AK2: variants seen among roughly 807,000 people sequenced by gnomAD.
AK2 encodes the protein adenylate kinase 2.
Under a neutral mutation model 24.6 loss-of-function variants are expected in AK2, and 15 were observed. The observed-to-expected ratio is 0.61, with a 90% CI of 0.41 to 0.94. The LOEUF is 0.94. AK2 is among the 40% of genes least tolerant of loss of function. The pLI, the probability that AK2 is intolerant of heterozygous loss-of-function variation, is 0.00. For synonymous variants in AK2, 102 were observed against 114.0 expected, an observed-to-expected ratio of 0.90 and a Z score of 0.67; for missense variants, 257 against 304.1, an observed-to-expected ratio of 0.85 and a Z score of 1.15.
At position 33,013,305 on chromosome 1, in the gene AK2, T is replaced by C. The variant is rs1322333479; in HGVS notation, c.596A>G (p.Glu199Gly). 5 of 1,614,006 alleles carry C rather than the reference T, an allele frequency of 3.1e-6. No homozygotes were observed. Residue 199 changes from glutamate (E) to glycine (G), a missense_variant, in exon 6 of 6, where the codon GAG (glutamate) becomes GGG (glycine). By Grantham distance (98) the Glu-to-Gly change is moderately conservative (BLOSUM62 -2). Coordinates refer to ENST00000672715, the MANE Select transcript of AK2 (RefSeq NM_001625.4). ...AYHTQTTPLI[E>G]YYRKRGIHSA... ...GTGGATCCCCCGTTTCCTGTAGTAC[T>C]CTATGAGTGGGGTGGTTTGAGTGTG...
rs113821466 is a variant in AK2 at position 33,017,281 on chromosome 1, G to A, written c.426-2687C>T. Among the ~76,000 whole-genome samples the A allele has an allele frequency of 2.1e-3, 315 of 152,318 alleles. 5 individuals are homozygous for A. The highest frequency in any genetic ancestry group is 0.012 in the South Asian group (57 of 4,824). ...GGATATGGAAGGCCAACTGGACAGA[G>A]GAGTAAAGGTTCCTGTGACTGCAGT... On this transcript the variant is annotated intron_variant, in intron 4 of 5. Transcript: ENST00000672715.
rs542150963 is a variant in AK2, at chr1:33,034,885, C to CA, written c.93+1850dup. Among the ~76,000 whole-genome samples the CA allele has an allele frequency of 2.3e-3, 350 of 151,956 alleles. 2 individuals carry two copies. The highest frequency in any genetic ancestry group is 8.1e-3 in the African/African-American group (334 of 41,490). ...GCAACATAGCAAGACCCTGTCTCTA[C>CA]AAAAAATTGTTTAAAAATTAGCTGG... On this transcript the variant is annotated intron_variant, in intron 1 of 5. Transcript: ENST00000672715.
At chr1:33,013,445 A>C (rs1638980232) in intron 5 of AK2, 43 bp from the exon 6 acceptor site, 2 of 1,586,842 alleles carry the variant, frequency 1.3e-6, no homozygotes, top group African/African-American at 2.7e-5. Flanking sequence ...GACTGTTAGC[A>C]AGGTTTTCTT....
At chr1:33,020,186 AAAAC>A in intron 4 of AK2, 2 of 1,144,596 alleles carry the variant, frequency 1.7e-6, no homozygotes. Flanking sequence ...CAAACATGTT[AAAAC>A]ACACACACAC....
Position 33,010,781 on chromosome 1 carries a change from C to T in AK2, c.*2400G>A, listed in dbSNP as rs754011373. ...GCCCAGCACCTAAGAGCAGGGATCA[C>T]GCCGCGGGGTGATGAGCAGTGTTGC... On this transcript the variant is annotated 3_prime_UTR_variant, in exon 6 of 6. Transcript: ENST00000672715. 16 of 1,614,160 alleles carry T rather than the reference C, an allele frequency of 9.9e-6. No individual in the cohort carries two copies. The East Asian group carries it at 1.8e-4, about 18-fold the overall frequency.
In AK2 at chr1:33,010,671, A is replaced by G. The variant is rs768232243; in HGVS notation, c.*2510T>C. 142 of 1,580,608 alleles carry G rather than the reference A, an allele frequency of 9.0e-5. No individual in the cohort carries two copies. The highest frequency in any genetic ancestry group is 3.5e-4 in the Middle Eastern group (2 of 5,644). ...GTATAAAAGAAACTGCCACACTACA[A>G]TAACACTGCTGTTGTTCCAAGTATT... On this transcript the variant is annotated 3_prime_UTR_variant, in exon 6 of 6. Transcript: ENST00000672715.
At chr1:33,020,128 G>A (rs549708883) in intron 4 of AK2, 18 of 1,534,682 alleles carry the variant, frequency 1.2e-5, no homozygotes, top group African/African-American at 2.7e-5. Context: ...CAGAACAAAC[G>A]TGTCCAGAAG....
chr1:33,020,188 A>AACACAC (rs56098182), intron 4 of AK2: 111,081 of 863,848 alleles, frequency 0.13, 2,922 homozygotes, highest in Middle Eastern at 0.14. Context: ...AACATGTTAA[A>AACACAC]ACACACACAC....
Position 33,012,672 on chromosome 1 carries a change from G to T in AK2, c.*509C>A. 7.9e-7 allele frequency: 1 copy of T among 1,263,424 alleles called. No individual in the cohort carries two copies. The highest frequency in any genetic ancestry group is 1.0e-6 in the Non-Finnish European group (1 of 967,140). 78.3% of individuals were successfully genotyped at this position (1,263,424 alleles called of 1,614,324 possible). A position where few individuals can be genotyped will look rare whatever the true frequency, so the allele number is the denominator to read the frequency against. On this transcript the variant is annotated 3_prime_UTR_variant, in exon 6 of 6. Transcript: ENST00000672715. ...GGCACTTCAGGAGGCCAAGGTGGGTGGATTGCTTAAGCCTAGGAGTTCAAG... is the reference window on the plus strand; with the variant it reads ...GGCACTTCAGGAGGCCAAGGTGGGTTGATTGCTTAAGCCTAGGAGTTCAAG...
chr1:33,016,313 G>A (rs898089545), intron 4 of AK2, among the ~76,000 whole-genome samples: 23 of 152,136 alleles, frequency 1.5e-4, no homozygotes, highest in African/African-American at 5.3e-4. Context: ...CTGGGTTCAC[G>A]CCATTCTCCT....
At chr1:33,027,382 C>T (rs1381782603) in intron 1 of AK2, among the ~76,000 whole-genome samples, 1 of 152,164 alleles carries the variant, frequency 6.6e-6, no homozygotes, top group Non-Finnish European at 1.5e-5. Context: ...CTGCAGGACT[C>T]TTATGCACTG....
chr1:33,008,958 A>AT lies in AK2; in HGVS notation c.*4222dup. 1 of 454,124 alleles carries AT rather than the reference A, an allele frequency of 2.2e-6. No individual in the cohort carries two copies. Among genetic ancestry groups the AT allele is most frequent in the African/African-American group, 2.0e-5 (1 of 50,126 alleles). The allele number at this position is 454,124 out of a possible 1,614,324, so 28.1% of individuals were successfully genotyped here. A position where few individuals can be genotyped will look rare whatever the true frequency, so the allele number is the denominator to read the frequency against. ...TTGGTTTGACAAACATTTCCCCACA[A>AT]TTAGATGCATGATGACCAAGGGAGG... On this transcript the variant is annotated 3_prime_UTR_variant, in exon 6 of 6. Coordinates refer to ENST00000672715, the MANE Select transcript of AK2 (RefSeq NM_001625.4).
At chr1:33,019,922 G>A (rs531421362) in intron 4 of AK2, 2 of 1,405,250 alleles carry the variant, frequency 1.4e-6, no homozygotes, top group East Asian at 2.7e-5. Context: ...GGTTCAAGAT[G>A]GTTGGCTGAC....
chr1:33,024,633 G>T, intron 1 of AK2, 66 bp from the exon 2 acceptor site: 3 of 1,601,888 alleles, frequency 1.9e-6, no homozygotes, highest in Non-Finnish European at 2.6e-6. Context: ...GACTGCCTAG[G>T]TGTGAACCTG....
At position 33,008,082 on chromosome 1, in the gene AK2, G is replaced by A. The variant is rs1369535134; in HGVS notation, c.*5099C>T. 1 of 454,072 alleles carries A rather than the reference G, an allele frequency of 2.2e-6. No homozygotes were observed. The highest frequency in any genetic ancestry group is 4.4e-6 in the Non-Finnish European group (1 of 226,790). The allele number at this position is 454,072 out of a possible 1,614,324, so 28.1% of individuals were successfully genotyped here. A position where few individuals can be genotyped will look rare whatever the true frequency, so the allele number is the denominator to read the frequency against. On this transcript the variant is annotated 3_prime_UTR_variant, in exon 6 of 6. Transcript: ENST00000672715. ...TTTCAGAGGTCTATGATTTCTAGGG[G>A]ATCCTTAGCCTGGTTCCGGATGGTC...
chr1:33,017,370 A>C (rs1037580853), intron 4 of AK2, among the ~76,000 whole-genome samples: 3 of 152,182 alleles, frequency 2.0e-5, no homozygotes, highest in Non-Finnish European at 2.9e-5. Flanking sequence ...TGATGCATTC[A>C]TTCAGAAATG....
chr1:33,036,669 A>G (rs1640602578), intron 1 of AK2, 67 bp downstream of exon 1: 3 of 1,429,570 alleles, frequency 2.1e-6, no homozygotes, highest in Non-Finnish European at 2.9e-6. Flanking sequence ...CAGGGCTTCT[A>G]GATCTCCGGC....
Position 33,024,540 on chromosome 1 carries a change from C to A in AK2, c.121G>T (p.Val41Phe), listed in dbSNP as rs906687383. Residue 41 changes from valine to phenylalanine, a missense_variant, in exon 2 of 6, where the codon GTC becomes TTC. By Grantham distance (50) the Val-to-Phe change is conservative (BLOSUM62 -1). Transcript: ENST00000672715. ...ATGTCCCCAGTAGCTAAATGGCAGA[C>A]ACAGAAGTTTTCAGCCAATCTGGGT... Reference protein sequence around the residue: ...QAPRLAENFCVCHLATGDMLR... With the variant: ...QAPRLAENFCFCHLATGDMLR... The A allele has an allele frequency of 3.7e-6, 6 of 1,614,150 alleles. No individual in the cohort carries two copies. Among genetic ancestry groups the A allele is most frequent in the Non-Finnish European group, 5.1e-6 (6 of 1,180,012 alleles).
intron 1 of AK2, chr1:33,032,547 TAATA>T (rs1448029849): frequency 6.6e-6 from 1 of 152,188 alleles, no homozygotes. Flanking sequence ...ATATTTCAGC[TAATA>T]AATGACCAGG....
Sources: allele counts gnomAD v4.1 joint callset (sites outside exome capture counted in the v4.1 genomes callset), GRCh38; gene constraint gnomAD v4.1.1; transcripts MANE v1.5; gene names NCBI Gene and HGNC (gene_info 2026-07-23, HGNC 2026-07-21).